DENND1A: variants seen among roughly 807,000 people sequenced by gnomAD.
DENND1A encodes the protein DENN domain containing 1A.
A neutral mutation model predicts 113.7 loss-of-function variants in DENND1A; 51 were observed. That is an observed-to-expected ratio of 0.45 (90% CI 0.36 to 0.57). The LOEUF (loss-of-function observed/expected upper bound fraction) is 0.57. Ranked by LOEUF, DENND1A falls within the 20% of genes least tolerant of loss-of-function variation. The pLI is 0.00. For missense variants in DENND1A, 1,258 were observed against 1,395.9 expected, an observed-to-expected ratio of 0.90 and a Z score of 1.57; for synonymous variants, 565 against 570.8, an observed-to-expected ratio of 0.99 and a Z score of 0.14.
intron 18 of DENND1A, among the ~76,000 whole-genome samples, chr9:123,446,433 T>TTAC (rs1441503078): frequency 6.6e-6 from 1 of 152,174 alleles, no homozygotes; most frequent in Non-Finnish European, 1.5e-5. Flanking sequence ...CCACGCATGC[T>TTAC]TACTCACTCC....
At chr9:123,640,465 A>G (rs2061968992) in intron 9 of DENND1A, among the ~76,000 whole-genome samples, 1 of 152,234 alleles carries the variant, frequency 6.6e-6, no homozygotes, top group African/African-American at 2.4e-5. Context: ...TTCAATGACT[A>G]AATGACTAGG....
intron 5 of DENND1A, among the ~76,000 whole-genome samples, chr9:123,741,313 T>C (rs992669689): frequency 6.6e-6 from 1 of 152,208 alleles, no homozygotes; most frequent in East Asian, 1.9e-4. Flanking sequence ...TGGAAAGAGA[T>C]ATGAACGGAT....
chr9:123,676,844 A>G lies in DENND1A; in HGVS notation c.303-55T>C. On this transcript the variant is annotated intron_variant, in intron 5 of 23. Coordinates refer to ENST00000394215, the MANE Select transcript of DENND1A (RefSeq NM_001352964.2). ...ATTAGTATGCAGGTCAAAAACTTTA[A>G]CCAGGATCTAATTCAAGACTGATAC... The G allele has an allele frequency of 2.0e-6, 3 of 1,523,714 alleles. No individual in the cohort carries two copies. The South Asian group carries it at 3.4e-5, about 17-fold the overall frequency. The allele number at this position is 1,523,714 out of a possible 1,614,324, so 94.4% of individuals were successfully genotyped here. A position where few individuals can be genotyped will look rare whatever the true frequency, so the allele number is the denominator to read the frequency against.
chr9:123,779,043 G>C (rs1392286196), intron 3 of DENND1A, among the ~76,000 whole-genome samples: 1 of 152,186 alleles, frequency 6.6e-6, no homozygotes, highest in Non-Finnish European at 1.5e-5. Flanking sequence ...ACTCTTCATA[G>C]AGACAATTCT....
chr9:123,468,637 A>T (rs562666017), intron 13 of DENND1A, among the ~76,000 whole-genome samples: 12 of 152,322 alleles, frequency 7.9e-5, no homozygotes, highest in African/African-American at 2.4e-4. Flanking sequence ...TTCTTCTTAC[A>T]GGGTCAGCTG....
At chr9:123,414,254 G>A in intron 19 of DENND1A, 2 of 1,286,636 alleles carry the variant, frequency 1.6e-6, no homozygotes, top group South Asian at 3.7e-5. Context: ...CTGTTAGGAA[G>A]ATTCAACGAG....
chr9:123,870,116 G>A (rs536616290), intron 2 of DENND1A, among the ~76,000 whole-genome samples: 184 of 151,710 alleles, frequency 1.2e-3, no homozygotes, highest in Non-Finnish European at 1.9e-3. Flanking sequence ...TGAAGTAATC[G>A]TGCTGACTTA....
chr9:123,468,739 C>G (rs112611838), intron 13 of DENND1A, among the ~76,000 whole-genome samples: 3 of 152,182 alleles, frequency 2.0e-5, no homozygotes, highest in African/African-American at 7.2e-5. Flanking sequence ...ACCTTGTTTA[C>G]CAGAAAGCTG....
At chr9:123,573,399 A>T (rs1001035176) in intron 12 of DENND1A, among the ~76,000 whole-genome samples, 1 of 152,164 alleles carries the variant, frequency 6.6e-6, no homozygotes, top group Non-Finnish European at 1.5e-5. Context: ...AAAAATATTG[A>T]GTAAAAAAAT....
chr9:123,824,185 CAG>C (rs1425792975), intron 2 of DENND1A, among the ~76,000 whole-genome samples: 1 of 152,128 alleles, frequency 6.6e-6, no homozygotes, highest in African/African-American at 2.4e-5. Flanking sequence ...GAAACAGGCT[CAG>C]AGAGGTAAAG....
At chr9:123,414,466 G>A in intron 19 of DENND1A, 1 of 1,514,646 alleles carries the variant, frequency 6.6e-7, no homozygotes, top group Non-Finnish European at 8.9e-7. Flanking sequence ...ATCTCACAGG[G>A]TGTCTGCTGA....
chr9:123,593,558 T>C (rs1233025034), intron 11 of DENND1A, among the ~76,000 whole-genome samples: 1 of 152,124 alleles, frequency 6.6e-6, no homozygotes, highest in Non-Finnish European at 1.5e-5. Flanking sequence ...TCAAACTAAG[T>C]CTAAGTTGAT....
chr9:123,895,081 A>G (rs1269300079), intron 1 of DENND1A, among the ~76,000 whole-genome samples: 2 of 151,508 alleles, frequency 1.3e-5, no homozygotes, highest in Non-Finnish European at 2.9e-5. Context: ...TTTAAGAGAC[A>G]GGGTGCTGCC....
intron 5 of DENND1A, among the ~76,000 whole-genome samples, chr9:123,677,907 A>G (rs539080931): frequency 1.6e-3 from 244 of 151,980 alleles, no homozygotes; most frequent in Non-Finnish European, 2.8e-3. Flanking sequence ...TTCCTCATAG[A>G]TATGCTCCCC....
At chr9:123,585,290 G>GAGTTTAT (rs2059109494) in intron 11 of DENND1A, among the ~76,000 whole-genome samples, 1 of 152,288 alleles carries the variant, frequency 6.6e-6, no homozygotes, top group Middle Eastern at 3.4e-3. Context: ...GCCGATGTAG[G>GAGTTTAT]AGTTTATTCT....
chr9:123,929,966 C>A lies in DENND1A; in HGVS notation c.-61G>T. 3.4e-6 allele frequency: 1 copy of A among 296,222 alleles called. No homozygotes were observed. The allele number at this position is 296,222 out of a possible 1,614,324, so 18.3% of individuals were successfully genotyped here. A position where few individuals can be genotyped will look rare whatever the true frequency, so the allele number is the denominator to read the frequency against. ...CTCGGCGCTGCGCTGCCCGCCCGCC[C>A]GCGGCCGACCGGCCTCCCTCTGGCG... On this transcript the variant is annotated 5_prime_UTR_variant, in exon 1 of 24. Coordinates refer to ENST00000394215, the MANE Select transcript of DENND1A (RefSeq NM_001352964.2).
At chr9:123,698,182 G>A (rs1188383975) in intron 5 of DENND1A, among the ~76,000 whole-genome samples, 1 of 152,178 alleles carries the variant, frequency 6.6e-6, no homozygotes, top group Non-Finnish European at 1.5e-5. Flanking sequence ...GCCCAAATAA[G>A]GTGAGGAAAA....
chr9:123,642,393 T>C (rs1376615235), intron 9 of DENND1A, among the ~76,000 whole-genome samples: 1 of 152,264 alleles, frequency 6.6e-6, no homozygotes, highest in African/African-American at 2.4e-5. Context: ...CTGTGCTGCT[T>C]GGAAGTTTGG....
chr9:123,525,860 G>A (rs987081939), intron 13 of DENND1A, among the ~76,000 whole-genome samples: 2 of 149,012 alleles, frequency 1.3e-5, no homozygotes, highest in African/African-American at 5.0e-5. Context: ...CCAGGCTCCA[G>A]TGATTCTCCC....
Sources: allele counts gnomAD v4.1 joint callset (sites outside exome capture counted in the v4.1 genomes callset), GRCh38; gene constraint gnomAD v4.1.1; transcripts MANE v1.5; gene names NCBI Gene and HGNC (gene_info 2026-07-23, HGNC 2026-07-21).